Variants in BEND4 observed in about 807,000 individuals in gnomAD.
BEND4 encodes the protein BEN domain containing 4, also known as BEN domain-containing protein 4.
Under a neutral mutation model 54.7 loss-of-function variants are expected in BEND4, and 27 were observed. The observed-to-expected ratio is 0.49, with a 90% CI of 0.36 to 0.68. The LOEUF (loss-of-function observed/expected upper bound fraction) is 0.68, where lower values mean the gene tolerates loss of function less well. BEND4 is among the 30% of genes least tolerant of loss of function. BEND4 has a pLI of 0.00. For synonymous variants in BEND4, 327 were observed against 299.5 expected (o/e 1.09, Z -0.95); for missense variants, 702 against 697.2 (o/e 1.01, Z -0.08).
At chr4:42,129,519 C>T (rs1259700581) in intron 3 of BEND4, among the ~76,000 whole-genome samples, 1 of 152,132 alleles carries the variant, frequency 6.6e-6, no homozygotes, top group African/African-American at 2.4e-5. Context: ...GGCAAAACAG[C>T]ATGCTACTGG....
intron 4 of BEND4, among the ~76,000 whole-genome samples, chr4:42,122,662 T>A (rs1030250086): frequency 6.6e-6 from 1 of 152,214 alleles, no homozygotes; most frequent in African/African-American, 2.4e-5. Context: ...ACGTGCACCA[T>A]CCTCTTAGTT....
intron 3 of BEND4, among the ~76,000 whole-genome samples, chr4:42,131,020 A>AAT (rs1456006505): frequency 6.6e-6 from 1 of 152,202 alleles, no homozygotes; most frequent in African/African-American, 2.4e-5. Context: ...AAACAACGAG[A>AAT]ATACGTGGAC....
chr4:42,151,501 A>C, intron 2 of BEND4, 156 bp downstream of exon 2: 7 of 713,210 alleles, frequency 9.8e-6, no homozygotes, highest in South Asian at 3.6e-5. Flanking sequence ...AATCCTCTCG[A>C]AGTTTCCGGG....
chr4:42,148,300 A>C (rs1721148299), intron 2 of BEND4, among the ~76,000 whole-genome samples: 1 of 152,210 alleles, frequency 6.6e-6, no homozygotes, highest in African/African-American at 2.4e-5. Flanking sequence ...CAACACAGCA[A>C]AACAGGATGG....
At chr4:42,142,652 A>C (rs574860764) in intron 3 of BEND4, among the ~76,000 whole-genome samples, 21 of 151,320 alleles carry the variant, frequency 1.4e-4, no homozygotes, top group Admixed American at 7.2e-4. Flanking sequence ...AAAAAAAAAA[A>C]AGTAAAATCA....
intron 4 of BEND4, among the ~76,000 whole-genome samples, chr4:42,125,070 T>A (rs1720219380): frequency 6.6e-6 from 1 of 152,232 alleles, no homozygotes. Flanking sequence ...CTTATAAGTA[T>A]GTACCATCTT....
Position 42,151,986 on chromosome 4 carries a change from C to T in BEND4, c.158G>A (p.Arg53Gln), listed in dbSNP as rs1721313433. Residue 53 changes from arginine (R) to glutamine (Q), a missense_variant, in exon 2 of 6, where the codon CGG (arginine) becomes CAG (glutamine). Transcript: ENST00000502486. Reference sequence around the variant, plus strand: ...GGGCGGCGGGGGCGGCGGGGGCGCCCGCACGTGCGGCAGCTCCACCAGGGT... The same window carrying T: ...GGGCGGCGGGGGCGGCGGGGGCGCCTGCACGTGCGGCAGCTCCACCAGGGT... ...RPTLVELPHVRAPPPPPPPFA... is the reference protein window; with the variant it reads ...RPTLVELPHVQAPPPPPPPFA... 2 of 1,253,868 alleles carry T rather than the reference C, an allele frequency of 1.6e-6. No homozygotes were observed. Among genetic ancestry groups the T allele is most frequent in the Non-Finnish European group, 2.0e-6 (2 of 995,042 alleles). 77.7% of individuals were successfully genotyped at this position (1,253,868 alleles called of 1,614,324 possible).
chr4:42,141,767 T>C (rs1443907251), intron 3 of BEND4, among the ~76,000 whole-genome samples: 3 of 152,134 alleles, frequency 2.0e-5, no homozygotes, highest in African/African-American at 7.2e-5. Context: ...AAAAAGGATA[T>C]AACTTATATT....
intron 3 of BEND4, among the ~76,000 whole-genome samples, chr4:42,130,049 A>G (rs573214979): frequency 2.0e-5 from 3 of 152,256 alleles, no homozygotes; most frequent in South Asian, 2.1e-4. Flanking sequence ...AAACAAATTC[A>G]TAAGAGAAAA....
At chr4:42,147,500 T>C (rs889303876) in intron 2 of BEND4, among the ~76,000 whole-genome samples, 1 of 133,712 alleles carries the variant, frequency 7.5e-6, no homozygotes, top group African/African-American at 2.8e-5. Flanking sequence ...TTTTTTTTTT[T>C]GTTAAGTCAT....
At position 42,125,742 on chromosome 4, in the gene BEND4, A is replaced by G. The variant is rs1046070404; in HGVS notation, c.1055-68T>C. The G allele has an allele frequency of 4.0e-5, 47 of 1,161,908 alleles. No homozygotes were observed. The Admixed American group carries it at 1.1e-3, about 27-fold the overall frequency. 72.0% of individuals were successfully genotyped at this position (1,161,908 alleles called of 1,614,324 possible). Reference sequence around the variant, plus strand: ...TAACATGAAAATAAATAAATTTTTTAAAGTTTTTTTTTTTTTAAACAGAGG... The same window carrying G: ...TAACATGAAAATAAATAAATTTTTTGAAGTTTTTTTTTTTTTAAACAGAGG... On this transcript the variant is annotated intron_variant, in intron 3 of 5. Coordinates refer to ENST00000502486, the MANE Select transcript of BEND4 (RefSeq NM_207406.4).
intron 2 of BEND4, chr4:42,151,232 GGAA>G (rs1181031204): frequency 6.3e-6 from 1 of 158,214 alleles, no homozygotes; most frequent in Non-Finnish European, 1.4e-5. Context: ...AACAAATGGA[GGAA>G]GAAGGAGAAA....
In BEND4 at chr4:42,115,053, G is replaced by A. The variant is rs58352691; in HGVS notation, c.*2465C>T. The A allele has an allele frequency of 6.6e-6, 1 of 152,260 alleles. No homozygotes were observed. The highest frequency in any genetic ancestry group is 2.4e-5 in the African/African-American group (1 of 41,448). 9.4% of individuals were successfully genotyped at this position (152,260 alleles called of 1,614,324 possible). On this transcript the variant is annotated 3_prime_UTR_variant, in exon 6 of 6. Coordinates refer to ENST00000502486, the MANE Select transcript of BEND4 (RefSeq NM_207406.4). ...TCACTCAGGCAAAAGCTGTAGGTCC[G>A]AGACCCAGCAGAGGAGTTAGAACTG...
In BEND4 at chr4:42,114,200, C is replaced by G. The variant is rs868125916; in HGVS notation, c.*3318G>C. Reference sequence around the variant, plus strand: ...AAATACTGGTCCCCTCCACAGGCTCCTGACCTACACTATCCAATACATATC... The same window carrying G: ...AAATACTGGTCCCCTCCACAGGCTCGTGACCTACACTATCCAATACATATC... On this transcript the variant is annotated 3_prime_UTR_variant, in exon 6 of 6. Transcript: ENST00000502486. 4.6e-5 allele frequency: 7 copies of G among 152,210 alleles called. No individual in the cohort carries two copies. Among genetic ancestry groups the G allele is most frequent in the Middle Eastern group, 6.8e-3 (2 of 294 alleles). The allele number at this position is 152,210 out of a possible 1,614,324, so 9.4% of individuals were successfully genotyped here.
At position 42,120,117 on chromosome 4, in the gene BEND4, G is replaced by A; in HGVS notation, c.1324C>T (p.Gln442Ter). Residue 442 changes from glutamine to a stop codon, truncating the protein, a stop_gained, in exon 5 of 6, where the codon CAG becomes TAG. Coordinates refer to ENST00000502486, the MANE Select transcript of BEND4 (RefSeq NM_207406.4). LOFTEE classifies it high-confidence loss of function. ...CTTTCGGGACCTGTCTCTCCTGACT[G>A]CACTGACCTTTTCCTTTTCCCAAGG... ...CGLGKRKRSVQSGETGPERRP... is the reference protein window; with the variant it reads ...CGLGKRKRSV The A allele has an allele frequency of 6.2e-7, 1 of 1,613,952 alleles. No individual in the cohort carries two copies. The highest frequency in any genetic ancestry group is 8.5e-7 in the Non-Finnish European group (1 of 1,179,842).
intron 3 of BEND4, among the ~76,000 whole-genome samples, chr4:42,138,060 T>A (rs535316023): frequency 6.6e-6 from 1 of 152,310 alleles, no homozygotes; most frequent in East Asian, 1.9e-4. Flanking sequence ...ATTAAAAATA[T>A]GACCCAGCAA....
At chr4:42,146,457 C>T (rs897658005) in intron 2 of BEND4, among the ~76,000 whole-genome samples, 5 of 152,202 alleles carry the variant, frequency 3.3e-5, no homozygotes, top group Admixed American at 3.3e-4. Flanking sequence ...CTCTGTGAGG[C>T]ACTATTTGTA....
rs896248377 is a variant in BEND4 at position 42,139,451 on chromosome 4, C to CT, written c.1054+3976dup. Reference sequence around the variant, plus strand: ...CAGAAATAGTGCCTGCCCACAACTTCTTTTTTTTTTTGGTATGGTCTTTCA... The same window carrying CT: ...CAGAAATAGTGCCTGCCCACAACTTCTTTTTTTTTTTTGGTATGGTCTTTCA... On this transcript the variant is annotated intron_variant, in intron 3 of 5. Transcript: ENST00000502486. Among the ~76,000 whole-genome samples the CT allele has an allele frequency of 6.9e-4, 100 of 145,394 alleles. 1 individual carries two copies. The South Asian group carries it at 7.2e-3, about 10-fold the overall frequency.
At chr4:42,130,027 T>A (rs1172304541) in intron 3 of BEND4, among the ~76,000 whole-genome samples, 1 of 152,160 alleles carries the variant, frequency 6.6e-6, no homozygotes, top group Non-Finnish European at 1.5e-5. Flanking sequence ...ATCCAGAATC[T>A]ACAAGGAACT....
Sources: allele counts gnomAD v4.1 joint callset (sites outside exome capture counted in the v4.1 genomes callset), GRCh38; gene constraint gnomAD v4.1.1; transcripts MANE v1.5; gene names NCBI Gene and HGNC (gene_info 2026-07-23, HGNC 2026-07-21).